Variants in FAM227B observed in about 807,000 individuals in gnomAD.
The protein encoded by FAM227B is family with sequence similarity 227 member B.
Under a neutral mutation model 73.8 loss-of-function variants are expected in FAM227B, and 88 were observed. The ratio of observed to expected loss-of-function variants is 1.19; its 90% CI spans 1.00 to 1.42. The LOEUF (loss-of-function observed/expected upper bound fraction) is 1.42. Ranked by LOEUF, FAM227B falls within the 40% of genes most tolerant of loss-of-function variation. The pLI, the probability that FAM227B is intolerant of heterozygous loss-of-function variation, is 0.00. For synonymous variants in FAM227B, 210 were observed against 190.5 expected (o/e 1.10, Z -0.84); for missense variants, 632 against 590.9 (o/e 1.07, Z -0.72).
chr15:49,601,679 T>G (rs1172569365), intron 3 of FAM227B, among the ~76,000 whole-genome samples: 1 of 152,204 alleles, frequency 6.6e-6, no homozygotes, highest in Non-Finnish European at 1.5e-5. Flanking sequence ...AAATGTACAA[T>G]TCAATCATTA....
Position 49,455,568 on chromosome 15 carries a change from C to T in FAM227B, c.1012+52643G>A, listed in dbSNP as rs540770842. Among the ~76,000 whole-genome samples the T allele has an allele frequency of 4.6e-5, 7 of 152,122 alleles. No homozygotes were observed. In the East Asian group the frequency reaches 5.8e-4, roughly 13 times the overall value. On this transcript the variant is annotated intron_variant, in intron 11 of 15. Transcript: ENST00000299338. The stretch of plus-strand genomic sequence containing the variant: ...TTACTGAATTTCTGGGTAGGTCCAT[C>T]GTCAGTTATAAAAAAGTTTTTGGAT...
At chr15:49,566,586 G>C (rs1049324779) in intron 9 of FAM227B, among the ~76,000 whole-genome samples, 1 of 152,106 alleles carries the variant, frequency 6.6e-6, no homozygotes, top group African/African-American at 2.4e-5. Flanking sequence ...TCTTCCTTAG[G>C]AAATATAAAT....
intron 11 of FAM227B, among the ~76,000 whole-genome samples, chr15:49,393,061 T>A (rs1365315201): frequency 6.6e-6 from 1 of 152,168 alleles, no homozygotes; most frequent in Non-Finnish European, 1.5e-5. Context: ...CCTGTTACTG[T>A]AGAAGTATAA....
At chr15:49,543,217 G>T (rs1207686540) in intron 9 of FAM227B, among the ~76,000 whole-genome samples, 1 of 152,070 alleles carries the variant, frequency 6.6e-6, no homozygotes, top group Non-Finnish European at 1.5e-5. Flanking sequence ...GGAGTAAAAT[G>T]GTATCATATT....
intron 9 of FAM227B, among the ~76,000 whole-genome samples, chr15:49,556,920 T>C (rs746181266): frequency 6.6e-6 from 1 of 152,182 alleles, no homozygotes; most frequent in Non-Finnish European, 1.5e-5. Flanking sequence ...ATAGGGGTCA[T>C]GGGTCCTTTG....
chr15:49,410,244 A>G (rs996422068), intron 11 of FAM227B, among the ~76,000 whole-genome samples: 1 of 152,156 alleles, frequency 6.6e-6, no homozygotes, highest in Non-Finnish European at 1.5e-5. Flanking sequence ...TAACTTGCCT[A>G]TGTCACACAA....
intron 15 of FAM227B, chr15:49,329,872 T>C (rs1810208308): frequency 1.7e-6 from 1 of 604,014 alleles, no homozygotes. Context: ...CACCAGGTGA[T>C]TTCTTCTTCA....
chr15:49,356,489 G>A (rs2043192405), intron 13 of FAM227B, among the ~76,000 whole-genome samples: 1 of 148,718 alleles, frequency 6.7e-6, no homozygotes, highest in African/African-American at 2.5e-5. Context: ...GACAAAGAAG[G>A]CCATTACATA....
chr15:49,592,201 T>G (rs1297181599), intron 3 of FAM227B, among the ~76,000 whole-genome samples: 1 of 152,216 alleles, frequency 6.6e-6, no homozygotes, highest in Non-Finnish European at 1.5e-5. Context: ...TGTCCAGCTT[T>G]GTTCCATTGC....
chr15:49,332,904 CCT>C (rs1274404453), intron 14 of FAM227B, among the ~76,000 whole-genome samples: 1 of 152,058 alleles, frequency 6.6e-6, no homozygotes, highest in Non-Finnish European at 1.5e-5. Context: ...GTACATGCCC[CCT>C]CACTCATTCT....
intron 11 of FAM227B, among the ~76,000 whole-genome samples, chr15:49,400,633 GTA>G (rs1394278923): frequency 8.7e-6 from 1 of 114,464 alleles, no homozygotes; most frequent in African/African-American, 3.6e-5. Context: ...AAACAGCATG[GTA>G]CTGGTACCAA....
At chr15:49,445,498 C>G (rs541484677) in intron 11 of FAM227B, among the ~76,000 whole-genome samples, 20 of 151,374 alleles carry the variant, frequency 1.3e-4, no homozygotes, top group Non-Finnish European at 2.7e-4. Context: ...CTAAAACAAA[C>G]AGACCTTTTG....
At chr15:49,597,034 A>G (rs896991734) in intron 3 of FAM227B, among the ~76,000 whole-genome samples, 1 of 152,166 alleles carries the variant, frequency 6.6e-6, no homozygotes, top group African/African-American at 2.4e-5. Context: ...GGGGACTTCA[A>G]TACTCCACTG....
chr15:49,425,901 CTA>C (rs2050088194), intron 11 of FAM227B, among the ~76,000 whole-genome samples: 1 of 151,302 alleles, frequency 6.6e-6, no homozygotes, highest in African/African-American at 2.4e-5. Context: ...AAGGAAATGA[CTA>C]TTTGGAGAAA....
intron 11 of FAM227B, among the ~76,000 whole-genome samples, chr15:49,476,125 A>C (rs1471599988): frequency 6.6e-6 from 1 of 151,898 alleles, no homozygotes; most frequent in East Asian, 1.9e-4. Context: ...TTCATCCATC[A>C]AGATCTAATT....
chr15:49,474,195 C>A (rs1364192380), intron 11 of FAM227B, among the ~76,000 whole-genome samples: 2 of 152,112 alleles, frequency 1.3e-5, no homozygotes, highest in African/African-American at 4.8e-5. Flanking sequence ...CTTAGGCTAT[C>A]TATATCAGCC....
chr15:49,571,343 A>C (rs2152361968), intron 8 of FAM227B, among the ~76,000 whole-genome samples: 1 of 151,960 alleles, frequency 6.6e-6, no homozygotes. Context: ...GCTCTGCTGA[A>C]GCTTTTTAGT....
chr15:49,571,990 T>C (rs1042212162), intron 8 of FAM227B, among the ~76,000 whole-genome samples: 1 of 152,080 alleles, frequency 6.6e-6, no homozygotes, highest in African/African-American at 2.4e-5. Context: ...ACACAGGATA[T>C]CTTTCCATTT....
intron 11 of FAM227B, among the ~76,000 whole-genome samples, chr15:49,380,536 G>C (rs1311745628): frequency 6.6e-6 from 1 of 152,114 alleles, no homozygotes; most frequent in Admixed American, 6.5e-5. Flanking sequence ...AGAAGGTTAT[G>C]TCTCTAACAT....
Sources: allele counts gnomAD v4.1 joint callset (sites outside exome capture counted in the v4.1 genomes callset), GRCh38; gene constraint gnomAD v4.1.1; transcripts MANE v1.5; gene names NCBI Gene and HGNC (gene_info 2026-07-23, HGNC 2026-07-21).